ZNF485: variants seen among roughly 807,000 people sequenced by gnomAD.
The protein encoded by ZNF485 is zinc finger protein 485.
A neutral mutation model predicts 10.8 loss-of-function variants in ZNF485; 9 were observed. That is an observed-to-expected ratio of 0.83 (90% confidence interval 0.50 to 1.45). The LOEUF is 1.45. ZNF485 is among the 40% of genes most tolerant of loss of function. The probability of loss-of-function intolerance (pLI) is 0.00; values close to 1 mark genes in which losing one functional copy is unlikely to be tolerated. For synonymous variants in ZNF485, 187 were observed against 181.0 expected (o/e 1.03, Z -0.27); for missense variants, 487 against 528.0 (o/e 0.92, Z 0.76).
At chr10:43,616,007 G>C (rs1838850090) in intron 4 of ZNF485, among the ~76,000 whole-genome samples, 1 of 151,858 alleles carries the variant, frequency 6.6e-6, no homozygotes, top group Non-Finnish European at 1.5e-5. Flanking sequence ...TTTTTTAGCT[G>C]TTTCCTGTGT....
rs898105764 is a variant in ZNF485 at position 43,612,984 on chromosome 10, C to T, written c.248-3307C>T. Among the ~76,000 whole-genome samples the T allele has an allele frequency of 4.6e-5, 7 of 152,008 alleles. 1 individual carries two copies. Among genetic ancestry groups the T allele is most frequent in the African/African-American group, 7.2e-5 (3 of 41,388 alleles). On this transcript the variant is annotated intron_variant, in intron 4 of 4. Coordinates refer to ENST00000361807, the MANE Select transcript of ZNF485 (RefSeq NM_145312.4). ...GTCTATGTAATGTTTTAGTTATATT[C>T]AGTAGGTTACAGTATGTAGAGCTTT...
chr10:43,614,752 A>C (rs1315914909), intron 4 of ZNF485, among the ~76,000 whole-genome samples: 1 of 151,836 alleles, frequency 6.6e-6, no homozygotes, highest in African/African-American at 2.4e-5. Context: ...GATCATGAAG[A>C]TATTCTTCTG....
chr10:43,609,128 A>T, intron 3 of ZNF485, 127 bp from the exon 4 acceptor site: 1 of 738,566 alleles, frequency 1.4e-6, no homozygotes, highest in Non-Finnish European at 2.3e-6. Context: ...TGACCTGTCC[A>T]TGCTCATTGC....
chr10:43,609,741 GT>G (rs1186495895), intron 4 of ZNF485, among the ~76,000 whole-genome samples: 4 of 151,892 alleles, frequency 2.6e-5, no homozygotes, highest in Non-Finnish European at 5.9e-5. Flanking sequence ...GAGTGTAATT[GT>G]AGCTCACTGC....
intron 4 of ZNF485, among the ~76,000 whole-genome samples, chr10:43,615,583 G>A (rs951134557): frequency 6.6e-6 from 1 of 152,136 alleles, no homozygotes; most frequent in South Asian, 2.1e-4. Flanking sequence ...TGCATTTTTA[G>A]TAGAGACAGG....
intron 4 of ZNF485, 25 bp from the exon 5 acceptor site, chr10:43,616,266 T>C: frequency 6.6e-7 from 1 of 1,516,968 alleles, no homozygotes; most frequent in Non-Finnish European, 8.8e-7. Context: ...TAAAGAACAT[T>C]TGAATTTTTA....
intron 4 of ZNF485, among the ~76,000 whole-genome samples, chr10:43,613,799 C>T (rs1459485811): frequency 6.6e-6 from 1 of 152,168 alleles, no homozygotes; most frequent in African/African-American, 2.4e-5. Context: ...GAGAGCACTC[C>T]TTGTTCCATG....
intron 2 of ZNF485, among the ~76,000 whole-genome samples, chr10:43,607,597 A>ATC (rs1838678108): frequency 6.6e-6 from 1 of 152,180 alleles, no homozygotes; most frequent in African/African-American, 2.4e-5. Context: ...TATCCTGGAG[A>ATC]AAACTAGGTT....
Position 43,616,861 on chromosome 10 carries a change from A to G in ZNF485, c.818A>G (p.Asn273Ser), listed in dbSNP as rs762493338. ...AGTGGAGAGAAGCCTTTTAAATGTA[A>G]CAAGTGTGGGAGAGCTTTCAGGGAT... is the stretch of plus-strand genomic sequence containing the variant. ...IHSGEKPFKCNKCGRAFRDNS... is the reference protein window; with the variant it reads ...IHSGEKPFKCSKCGRAFRDNS... The change falls in exon 5 of 5, where the codon AAC becomes AGC. Residue 273 changes from asparagine to serine, a missense_variant. By Grantham distance (46) the Asn-to-Ser change is conservative. Transcript: ENST00000361807. 3 of 1,614,014 alleles carry G rather than the reference A, an allele frequency of 1.9e-6. No individual in the cohort carries two copies.
chr10:43,617,269 C>T lies in ZNF485; in HGVS notation c.1226C>T (p.Pro409Leu), dbSNP rs750033378. ...CAGAGACTCCATACTGGGGAAAAACCTTATAAATGTAATGAATGTGGGAAA... is the reference window on the plus strand; with the variant it reads ...CAGAGACTCCATACTGGGGAAAAACTTTATAAATGTAATGAATGTGGGAAA... The part of the protein sequence containing the change: ...EHQRLHTGEK[P>L]YKCNECGKAF... Residue 409 changes from proline to leucine, a missense_variant, in exon 5 of 5, where the codon CCT (proline) becomes CTT (leucine). Coordinates refer to ENST00000361807, the MANE Select transcript of ZNF485 (RefSeq NM_145312.4). 10 of 1,612,772 alleles carry T rather than the reference C, an allele frequency of 6.2e-6. No homozygotes were observed. The South Asian group carries it at 9.9e-5, about 16-fold the overall frequency.
Position 43,616,549 on chromosome 10 carries a change from A to G in ZNF485, c.506A>G (p.Asn169Ser). 2 of 1,614,222 alleles carry G rather than the reference A, an allele frequency of 1.2e-6. No individual in the cohort carries two copies. The highest frequency in any genetic ancestry group is 2.2e-5 in the East Asian group (1 of 44,892). ...KCKECGIAFM[N>S]SSSLLNHHKV... ...AAAGAATGTGGGATCGCCTTTATGA[A>G]CAGTTCATCCCTTTTAAATCACCAT... The change falls in exon 5 of 5, where the codon AAC becomes AGC. Residue 169 changes from asparagine to serine, a missense_variant. By Grantham distance (46) the Asn-to-Ser change is conservative (BLOSUM62 1). Coordinates refer to ENST00000361807, the MANE Select transcript of ZNF485 (RefSeq NM_145312.4).
chr10:43,616,951 G>A lies in ZNF485; in HGVS notation c.908G>A (p.Cys303Tyr). 6.2e-7 allele frequency: 1 copy of A among 1,614,136 alleles called. No individual in the cohort carries two copies. Among genetic ancestry groups the A allele is most frequent in the Non-Finnish European group, 8.5e-7 (1 of 1,180,046 alleles). ...TGEKPYQCNECGKAFRKSSTL... is the reference protein window; with the variant it reads ...TGEKPYQCNEYGKAFRKSSTL... ...GAGAAGCCATATCAGTGTAATGAAT[G>A]TGGAAAAGCCTTTAGGAAGAGCTCA... Residue 303 changes from cysteine to tyrosine, a missense_variant, in exon 5 of 5, where the codon TGT becomes TAT. Physicochemically the swap from Cys to Tyr is radical, Grantham distance 194 (BLOSUM62 -2). Coordinates refer to ENST00000361807, the MANE Select transcript of ZNF485 (RefSeq NM_145312.4).
In ZNF485 at chr10:43,609,340, C is replaced by T; in HGVS notation, c.237C>T (p.Gly79=). The T allele has an allele frequency of 1.2e-6, 2 of 1,613,616 alleles. No individual in the cohort carries two copies. The highest frequency in any genetic ancestry group is 1.7e-6 in the Non-Finnish European group (2 of 1,179,590). The change falls in exon 4 of 5, where the codon GGC becomes GGT. Residue 79 remains glycine (G), a synonymous_variant. Coordinates refer to ENST00000361807, the MANE Select transcript of ZNF485 (RefSeq NM_145312.4). ...CTGAGGTGCGAGAGGCTCCATCAGG[C>T]ACACATGCAGGTGAGTGGGTGGGGA... is the stretch of plus-strand genomic sequence containing the variant. ...PWTEVREAPS[G]THAVEDYWFE...
chr10:43,616,257 A>G lies in ZNF485; in HGVS notation c.248-34A>G, dbSNP rs182072324. 153 of 1,492,912 alleles carry G rather than the reference A, an allele frequency of 1.0e-4. No homozygotes were observed. In the African/African-American group the frequency reaches 2.0e-3, roughly 19 times the overall value. The allele number at this position is 1,492,912 out of a possible 1,614,324, so 92.5% of individuals were successfully genotyped here. ...ACTCTCACTTTCAGCATTTCAACATAAAGAACATTTGAATTTTTAAAATTT... is the reference window on the plus strand; with the variant it reads ...ACTCTCACTTTCAGCATTTCAACATGAAGAACATTTGAATTTTTAAAATTT... On this transcript the variant is annotated intron_variant, in intron 4 of 4. Transcript: ENST00000361807.
At chr10:43,607,584 T>A (rs998115682) in intron 2 of ZNF485, among the ~76,000 whole-genome samples, 1 of 152,180 alleles carries the variant, frequency 6.6e-6, no homozygotes, top group Admixed American at 6.5e-5. Flanking sequence ...TGGAGTTTGC[T>A]TTTATCCTGG....
chr10:43,607,109 G>C (rs941930079), intron 2 of ZNF485, 35 bp downstream of exon 2: 1 of 1,550,724 alleles, frequency 6.4e-7, no homozygotes, highest in East Asian at 2.4e-5. Flanking sequence ...GAGAAACCAC[G>C]TGTTTCAGCG....
chr10:43,617,253 C>A lies in ZNF485; in HGVS notation c.1210C>A (p.His404Asn), dbSNP rs1838882656. ...AGGCCTTGTTGAACATCAGAGACTC[C>A]ATACTGGGGAAAAACCTTATAAATG... is the stretch of plus-strand genomic sequence containing the variant. ...SSGLVEHQRL[H>N]TGEKPYKCNE... The change falls in exon 5 of 5, where the codon CAT (histidine) becomes AAT (asparagine). Residue 404 changes from histidine (H) to asparagine (N), a missense_variant. Transcript: ENST00000361807. The A allele has an allele frequency of 6.2e-7, 1 of 1,613,988 alleles. No homozygotes were observed. Among genetic ancestry groups the A allele is most frequent in the Non-Finnish European group, 8.5e-7 (1 of 1,179,956 alleles).
Position 43,607,022 on chromosome 10 carries a change from C to T in ZNF485, c.-29C>T. 6.4e-7 allele frequency: 1 copy of T among 1,551,764 alleles called. No individual in the cohort carries two copies. Among genetic ancestry groups the T allele is most frequent in the Non-Finnish European group, 8.7e-7 (1 of 1,146,982 alleles). On this transcript the variant is annotated 5_prime_UTR_variant, in exon 2 of 5. Transcript: ENST00000361807. ...ATTGACTTACGCAGGATTCTCAGCCCTTGCCTGGGAGAACAGTTCAGGAGA... is the reference window on the plus strand; with the variant it reads ...ATTGACTTACGCAGGATTCTCAGCCTTTGCCTGGGAGAACAGTTCAGGAGA...
At chr10:43,609,739 T>C (rs1838733012) in intron 4 of ZNF485, among the ~76,000 whole-genome samples, 2 of 152,190 alleles carry the variant, frequency 1.3e-5, no homozygotes, top group Admixed American at 6.5e-5. Flanking sequence ...TGGAGTGTAA[T>C]TGTAGCTCAC....
Sources: allele counts gnomAD v4.1 joint callset (sites outside exome capture counted in the v4.1 genomes callset), GRCh38; gene constraint gnomAD v4.1.1; transcripts MANE v1.5; gene names NCBI Gene and HGNC (gene_info 2026-07-23, HGNC 2026-07-21).